NRDC: variants seen among roughly 807,000 people sequenced by gnomAD.
NRDC encodes nardilysin.
In NRDC, 54 loss-of-function variants were observed where a neutral mutation model predicts 147.1. The ratio of observed to expected loss-of-function variants is 0.37; its 90% CI spans 0.29 to 0.46. The LOEUF is 0.46. Ranked by LOEUF, NRDC falls within the 20% of genes least tolerant of loss-of-function variation. The pLI, the probability that NRDC is intolerant of heterozygous loss-of-function variation, is 1.00. For missense variants in NRDC, 1,082 were observed against 1,370.6 expected (o/e 0.79, Z 3.33); for synonymous variants, 440 against 482.1 (o/e 0.91, Z 1.14).
intron 1 of NRDC, among the ~76,000 whole-genome samples, chr1:51,871,314 CTCAG>C (rs1342425536): frequency 6.6e-6 from 1 of 151,990 alleles, no homozygotes; most frequent in Non-Finnish European, 1.5e-5. Flanking sequence ...AAGACTCCAT[CTCAG>C]TCAATCAATT....
intron 6 of NRDC, 99 bp downstream of exon 6, chr1:51,825,188 A>G: frequency 1.2e-6 from 1 of 802,336 alleles, no homozygotes; most frequent in South Asian, 1.7e-5. Context: ...AAAGGTACCT[A>G]GGGACTCTAG....
chr1:51,825,462 G>C (rs1680403772), intron 5 of NRDC, 80 bp from the exon 6 acceptor site: 1 of 1,083,892 alleles, frequency 9.2e-7, no homozygotes, highest in African/African-American at 1.6e-5. Flanking sequence ...TTACAGAACA[G>C]AAAGCAAGGA....
chr1:51,860,037 G>A, intron 1 of NRDC: 1 of 202,466 alleles, frequency 4.9e-6, no homozygotes. Flanking sequence ...TCCAGATTTG[G>A]CCGTGTCTTT....
intron 1 of NRDC, among the ~76,000 whole-genome samples, chr1:51,843,742 T>G (rs180922322): frequency 6.8e-4 from 103 of 152,306 alleles, no homozygotes; most frequent in African/African-American, 2.3e-3. Context: ...CCAAGAGCTA[T>G]TTTCCAAGAA....
chr1:51,841,256 C>T (rs573640738), intron 1 of NRDC, among the ~76,000 whole-genome samples: 2 of 152,236 alleles, frequency 1.3e-5, no homozygotes, highest in South Asian at 4.1e-4. Flanking sequence ...AACTACTGTG[C>T]CAGTTTGATG....
intron 20 of NRDC, among the ~76,000 whole-genome samples, chr1:51,802,919 C>T (rs1679277448): frequency 1.3e-5 from 2 of 152,030 alleles, no homozygotes; most frequent in African/African-American, 4.8e-5. Flanking sequence ...ATTGCTTTAC[C>T]TGGTATTCAG....
At chr1:51,813,060 A>ACT (rs1293123299) in intron 14 of NRDC, among the ~76,000 whole-genome samples, 1 of 152,070 alleles carries the variant, frequency 6.6e-6, no homozygotes, top group Non-Finnish European at 1.5e-5. Flanking sequence ...AGGGAGGATA[A>ACT]CTTGAGCCCA....
chr1:51,836,034 A>T, intron 3 of NRDC, 97 bp downstream of exon 3: 1 of 921,392 alleles, frequency 1.1e-6, no homozygotes, highest in Non-Finnish European at 1.7e-6. Flanking sequence ...AATATATCAT[A>T]CTTCTGTCAA....
At chr1:51,791,085 A>C (rs1678619192) in intron 27 of NRDC, 95 bp from the exon 28 acceptor site, 1 of 833,684 alleles carries the variant, frequency 1.2e-6, no homozygotes, top group Admixed American at 2.3e-5. Context: ...AGAAGGAATT[A>C]AGACTAAGAC....
At chr1:51,836,045 A>C in intron 3 of NRDC, 86 bp downstream of exon 3, 1 of 1,027,458 alleles carries the variant, frequency 9.7e-7, no homozygotes, top group Non-Finnish European at 1.5e-6. Context: ...CTTCTGTCAA[A>C]TCACTTGCTA....
In NRDC at chr1:51,803,893, A is replaced by G. The variant is rs1679328384; in HGVS notation, c.2234T>C (p.Val745Ala). Reference protein sequence around the residue: ...NLAEPAYEADVAQLEYKLVAG... With the variant: ...NLAEPAYEADAAQLEYKLVAG... ...TACCAGTTTATACTCCAGCTGTGCC[A>G]CATCTGCTTCATAAGCTGGTTCCGC... Residue 745 changes from valine (V) to alanine (A), a missense_variant, in exon 20 of 31, where the codon GTG (valine) becomes GCG (alanine). By Grantham distance (64) the Val-to-Ala change is moderately conservative. Coordinates refer to ENST00000352171, the MANE Select transcript of NRDC (RefSeq NM_001101662.2). The G allele has an allele frequency of 6.2e-7, 1 of 1,613,734 alleles. No individual in the cohort carries two copies.
At chr1:51,864,421 A>C (rs1478158202) in intron 1 of NRDC, among the ~76,000 whole-genome samples, 1 of 152,184 alleles carries the variant, frequency 6.6e-6, no homozygotes, top group Non-Finnish European at 1.5e-5. Flanking sequence ...TTACCAAAAA[A>C]CATACTATAT....
chr1:51,875,549 T>A (rs1465284597), intron 1 of NRDC, among the ~76,000 whole-genome samples: 1 of 152,220 alleles, frequency 6.6e-6, no homozygotes, highest in East Asian at 1.9e-4. Context: ...TATAAAACTT[T>A]AGTGCCCTAG....
intron 1 of NRDC, among the ~76,000 whole-genome samples, chr1:51,862,956 G>A (rs1289302315): frequency 7.7e-6 from 1 of 130,304 alleles, no homozygotes; most frequent in African/African-American, 2.9e-5. Flanking sequence ...TTTGCAGCGA[G>A]CTGAAATCAG....
chr1:51,832,736 A>C (rs1452034694), intron 4 of NRDC, among the ~76,000 whole-genome samples: 1 of 152,180 alleles, frequency 6.6e-6, no homozygotes, highest in Admixed American at 6.5e-5. Context: ...ATGAATTTCA[A>C]AAGCTTAAAG....
At chr1:51,794,955 A>G (rs1418451852) in intron 22 of NRDC, 101 bp from the exon 23 acceptor site, 1 of 1,572,610 alleles carries the variant, frequency 6.4e-7, no homozygotes, top group African/African-American at 1.4e-5. Flanking sequence ...AGCCCTGCAT[A>G]GCTTTAGGAA....
In NRDC at chr1:51,840,262, CTCT is replaced by C; in HGVS notation, c.591_593del (p.Glu198del). On this transcript the variant is annotated inframe_deletion, in exon 2 of 31. Transcript: ENST00000352171. ...TAGTTTTTTTTCTAGCTTCTGCTCTCTCTTCTAATTCTTCCAATTCATTATCCT... is the reference window on the plus strand; with the variant it reads ...TAGTTTTTTTTCTAGCTTCTGCTCTCTCTAATTCTTCCAATTCATTATCCT... The C allele has an allele frequency of 1.2e-6, 2 of 1,607,040 alleles. No individual in the cohort carries two copies. The highest frequency in any genetic ancestry group is 1.7e-6 in the Non-Finnish European group (2 of 1,177,126).
intron 21 of NRDC, chr1:51,799,000 T>C (rs1278224365): frequency 1.3e-5 from 2 of 152,262 alleles, no homozygotes; most frequent in Non-Finnish European, 2.9e-5. Context: ...AATGAATTTA[T>C]ATAACAGTTC....
intron 28 of NRDC, 45 bp downstream of exon 28, chr1:51,790,855 G>T: frequency 6.7e-7 from 1 of 1,492,140 alleles, no homozygotes; most frequent in South Asian, 1.2e-5. Context: ...TGTATCTGGG[G>T]GCTTGTGTGG....
Sources: gnomAD v4.1 joint callset for allele counts (sites outside exome capture counted in the v4.1 genomes callset) on GRCh38, gnomAD v4.1.1 for gene constraint, MANE v1.5 for transcripts, NCBI Gene and HGNC (gene_info 2026-07-23, HGNC 2026-07-21) for gene names.